The following TDRD1 variants were observed in gnomAD, a reference collection of about 807,000 sequenced individuals.
The protein encoded by TDRD1 is tudor domain-containing protein 1.
Under a neutral mutation model 140.6 loss-of-function variants are expected in TDRD1, and 37 were observed. That is an observed-to-expected ratio of 0.26 (90% CI 0.20 to 0.35). TDRD1 has a LOEUF of 0.35. TDRD1 is among the 10% of genes least tolerant of loss of function. TDRD1 has a pLI of 1.00. For synonymous variants in TDRD1, 506 were observed against 475.7 expected (o/e 1.06, Z -0.83); for missense variants, 1,243 against 1,393.0 (o/e 0.89, Z 1.71).
chr10:114,178,202 A>G (rs1321213732), upstream of TDRD1, among the ~76,000 whole-genome samples: 1 of 152,124 alleles, frequency 6.6e-6, no homozygotes, highest in Non-Finnish European at 1.5e-5. Flanking sequence ...AATTTAAAAG[A>G]CACATCAACT....
At chr10:114,218,807 C>T (rs1387785190) in intron 18 of TDRD1, among the ~76,000 whole-genome samples, 2 of 152,208 alleles carry the variant, frequency 1.3e-5, no homozygotes, top group Non-Finnish European at 2.9e-5. Flanking sequence ...GCACGATCCT[C>T]TGGAAGGCAT....
intron 1 of TDRD1, 71 bp downstream of exon 1, chr10:114,179,487 TG>T (rs2032846519): frequency 1.3e-5 from 2 of 150,336 alleles, no homozygotes; most frequent in Admixed American, 6.6e-5. Flanking sequence ...CTTCGGTCGT[TG>T]GGGGCCAGAC....
intron 4 of TDRD1, 120 bp downstream of exon 4, chr10:114,199,437 G>C: frequency 1.6e-6 from 2 of 1,258,936 alleles, no homozygotes; most frequent in Non-Finnish European, 2.1e-6. Flanking sequence ...CCACACACCC[G>C]TCTCAGCCTC....
chr10:114,203,716 C>A, intron 8 of TDRD1, 149 bp downstream of exon 8: 2 of 734,806 alleles, frequency 2.7e-6, no homozygotes, highest in Non-Finnish European at 4.3e-6. Context: ...GTGCTCTGTT[C>A]ACCTTGCTTC....
chr10:114,224,935 C>A (rs1435714300), intron 21 of TDRD1, among the ~76,000 whole-genome samples: 2 of 152,204 alleles, frequency 1.3e-5, no homozygotes, highest in African/African-American at 4.8e-5. Context: ...TGGGAAGTTG[C>A]TTTGAGAGTG....
intron 5 of TDRD1, 86 bp from the exon 6 acceptor site, chr10:114,202,152 C>A: frequency 2.9e-6 from 3 of 1,035,866 alleles, no homozygotes; most frequent in South Asian, 3.5e-5. Context: ...GGATTTTGTT[C>A]ATTGAGAATA....
intron 4 of TDRD1, 52 bp from the exon 5 acceptor site, chr10:114,201,358 T>G: frequency 2.8e-6 from 4 of 1,446,810 alleles, no homozygotes; most frequent in African/African-American, 1.4e-5. Flanking sequence ...AGTGTGGACT[T>G]TGAGAATGTC....
chr10:114,209,498 G>C (rs953007142), intron 11 of TDRD1, among the ~76,000 whole-genome samples: 1 of 152,170 alleles, frequency 6.6e-6, no homozygotes, highest in South Asian at 2.1e-4. Flanking sequence ...TCTCCCTTAT[G>C]TTGTGATTTC....
At chr10:114,203,620 A>G in intron 8 of TDRD1, 53 bp downstream of exon 8, 3 of 1,498,822 alleles carry the variant, frequency 2.0e-6, no homozygotes, top group Non-Finnish European at 2.7e-6. Flanking sequence ...CTTTGGTCGT[A>G]TGAACTGAAC....
At chr10:114,203,655 C>G in intron 8 of TDRD1, 88 bp downstream of exon 8, 1 of 1,226,278 alleles carries the variant, frequency 8.2e-7, no homozygotes, top group Non-Finnish European at 1.1e-6. Flanking sequence ...TGATGCATGA[C>G]AAGGCTTAAA....
chr10:114,178,598 A>G (rs2032779635), upstream of TDRD1, among the ~76,000 whole-genome samples: 1 of 152,176 alleles, frequency 6.6e-6, no homozygotes, highest in Non-Finnish European at 1.5e-5. Context: ...TGGAGGGCTG[A>G]GATGTTACTA....
chr10:114,187,185 G>T (rs558060222), intron 1 of TDRD1, among the ~76,000 whole-genome samples: 1 of 152,294 alleles, frequency 6.6e-6, no homozygotes, highest in East Asian at 1.9e-4. Flanking sequence ...TTCAGAGAAA[G>T]ATGCATAGAT....
chr10:114,217,891 G>A (rs2035911655), intron 17 of TDRD1, among the ~76,000 whole-genome samples: 1 of 152,024 alleles, frequency 6.6e-6, no homozygotes, highest in Admixed American at 6.6e-5. Context: ...CAGAATTTCT[G>A]TTAATATTAA....
At chr10:114,196,568 A>G (rs1487883649) in intron 3 of TDRD1, among the ~76,000 whole-genome samples, 1 of 151,740 alleles carries the variant, frequency 6.6e-6, no homozygotes, top group Non-Finnish European at 1.5e-5. Flanking sequence ...TAGTCAGCCC[A>G]CCTCCTCCTT....
chr10:114,190,669 G>T (rs1335471876), intron 2 of TDRD1, among the ~76,000 whole-genome samples: 1 of 152,080 alleles, frequency 6.6e-6, no homozygotes, highest in Non-Finnish European at 1.5e-5. Context: ...TGTATTTTTA[G>T]TAGAGACGGG....
exon 1 of TDRD1, chr10:114,179,283 G>A (rs2032816702): frequency 6.6e-6 from 1 of 152,636 alleles, no homozygotes; most frequent in East Asian, 1.9e-4. Flanking sequence ...GAGGCCAGGA[G>A]GGCGCACTGG....
Position 114,218,398 on chromosome 10 carries a change from T to C in TDRD1, c.2324-16T>C, listed in dbSNP as rs1371756960. ...AAAGGAAATGTTCCATGTCACAAAC[T>C]GTGTGTTAAACCTAGGTGATGGTAG... On this transcript the variant is annotated splice_polypyrimidine_tract_variant and intron_variant, in intron 17 of 25. Transcript: ENST00000251864. 7 of 1,498,068 alleles carry C rather than the reference T, an allele frequency of 4.7e-6. No individual in the cohort carries two copies. The highest frequency in any genetic ancestry group is 6.3e-6 in the Non-Finnish European group (7 of 1,112,940). 92.8% of individuals were successfully genotyped at this position (1,498,068 alleles called of 1,614,324 possible).
chr10:114,196,531 A>G (rs1000347158), intron 3 of TDRD1, among the ~76,000 whole-genome samples: 1 of 152,196 alleles, frequency 6.6e-6, no homozygotes, highest in African/African-American at 2.4e-5. Flanking sequence ...CCTTACTGCC[A>G]TGTAGCTCTT....
At chr10:114,225,443 C>T (rs1027650685) in intron 21 of TDRD1, among the ~76,000 whole-genome samples, 7 of 152,078 alleles carry the variant, frequency 4.6e-5, no homozygotes, top group African/African-American at 1.7e-4. Context: ...TTCCCCACTG[C>T]CAACTTTGGT....
Sources: allele counts gnomAD v4.1 joint callset (sites outside exome capture counted in the v4.1 genomes callset), GRCh38; gene constraint gnomAD v4.1.1; transcripts MANE v1.5; gene names NCBI Gene and HGNC (gene_info 2026-07-23, HGNC 2026-07-21).